TENM2: variants seen among roughly 807,000 people sequenced by gnomAD.
TENM2 encodes teneurin-2.
TENM2 carries 52 observed loss-of-function variants against 245.2 expected under a neutral mutation model. The observed-to-expected ratio is 0.21, with a 90% CI of 0.17 to 0.27. TENM2 has a LOEUF of 0.27. TENM2 is among the 10% of genes least tolerant of loss of function. The pLI is 1.00. For missense variants in TENM2, 3,046 were observed against 3,666.8 expected (o/e 0.83, Z 4.37); for synonymous variants, 1,363 against 1,438.9 (o/e 0.95, Z 1.19).
chr5:167,806,084 AC>A (rs1766142471), intron 2 of TENM2, among the ~76,000 whole-genome samples: 1 of 152,174 alleles, frequency 6.6e-6, no homozygotes, highest in African/African-American at 2.4e-5. Context: ...TAGGTAAGCC[AC>A]CGGATGCCAC....
chr5:168,260,337 G>C (rs755678473), exon 28 of TENM2: 1 of 1,613,938 alleles, frequency 6.2e-7, no homozygotes, highest in Non-Finnish European at 8.5e-7. Context: ...ATCATTCCTG[G>C]CTTCCCGAGA....
chr5:167,850,799 C>G (rs1016311620), intron 2 of TENM2, among the ~76,000 whole-genome samples: 1 of 152,152 alleles, frequency 6.6e-6, no homozygotes, highest in African/African-American at 2.4e-5. Flanking sequence ...AACCAGTATC[C>G]AAGGGCTGGC....
At chr5:168,069,884 T>G (rs949732400) in intron 7 of TENM2, among the ~76,000 whole-genome samples, 6 of 152,056 alleles carry the variant, frequency 3.9e-5, no homozygotes, top group African/African-American at 1.4e-4. Flanking sequence ...AAAGCCTTGG[T>G]AAATATGGAT....
intron 2 of TENM2, among the ~76,000 whole-genome samples, chr5:167,376,766 A>G (rs1197987622): frequency 1.3e-5 from 2 of 152,156 alleles, no homozygotes; most frequent in Admixed American, 1.3e-4. Context: ...GGCACATTTG[A>G]CACTCTGAGG....
the TENM2 span, among the ~76,000 whole-genome samples, chr5:167,109,985 G>A: frequency 5.9e-5 from 9 of 152,100 alleles, no homozygotes; most frequent in Non-Finnish European, 1.0e-4. Flanking sequence ...TTTTCAGAGT[G>A]GCTTAAATAA....
chr5:168,093,324 G>T (rs1793099072), intron 8 of TENM2, among the ~76,000 whole-genome samples: 1 of 152,212 alleles, frequency 6.6e-6, no homozygotes, highest in African/African-American at 2.4e-5. Context: ...CTCTTGTCTG[G>T]ACTGTAGCTC....
At chr5:167,885,874 G>A (rs771332840) in intron 3 of TENM2, among the ~76,000 whole-genome samples, 107 of 152,288 alleles carry the variant, frequency 7.0e-4, no homozygotes, top group Non-Finnish European at 1.3e-3. Context: ...AGTAGAGACT[G>A]TTTTCACCAT....
the TENM2 span, among the ~76,000 whole-genome samples, chr5:167,275,606 T>C: frequency 3.9e-5 from 6 of 152,118 alleles, no homozygotes; most frequent in East Asian, 3.9e-4. Context: ...AAGTACTTCA[T>C]TTTGTTAGTG....
chr5:167,572,340 G>A (rs1774324668), intron 2 of TENM2, among the ~76,000 whole-genome samples: 1 of 152,174 alleles, frequency 6.6e-6, no homozygotes, highest in South Asian at 2.1e-4. Context: ...CTAGGGTCCG[G>A]GGATATGTTG....
At chr5:167,215,568 G>A in the TENM2 span, among the ~76,000 whole-genome samples, 1 of 152,168 alleles carries the variant, frequency 6.6e-6, no homozygotes, top group South Asian at 2.1e-4. Context: ...TGGAGGAAGA[G>A]TTTAGGAAGA....
intron 3 of TENM2, among the ~76,000 whole-genome samples, chr5:167,927,708 G>A (rs1224673986): frequency 6.6e-6 from 1 of 152,136 alleles, no homozygotes; most frequent in Non-Finnish European, 1.5e-5. Context: ...GGCTGCTCTG[G>A]CTTGGACAGA....
intron 5 of TENM2, among the ~76,000 whole-genome samples, chr5:167,997,469 T>C (rs1784139629): frequency 6.6e-6 from 1 of 152,200 alleles, no homozygotes; most frequent in South Asian, 2.1e-4. Context: ...ATATTTCTGC[T>C]TTCCAGTTGT....
At chr5:168,197,162 A>G (rs2152523779) in intron 15 of TENM2, among the ~76,000 whole-genome samples, 1 of 152,340 alleles carries the variant, frequency 6.6e-6, no homozygotes, top group South Asian at 2.1e-4. Context: ...TGCCCGATAA[A>G]TAAGCACATA....
chr5:167,182,588 T>C, the TENM2 span, among the ~76,000 whole-genome samples: 1 of 152,184 alleles, frequency 6.6e-6, no homozygotes, highest in Admixed American at 6.5e-5. Flanking sequence ...TCTACATTCT[T>C]TAAAAAATCC....
At chr5:167,760,961 G>T (rs564672288) in intron 2 of TENM2, among the ~76,000 whole-genome samples, 1 of 152,038 alleles carries the variant, frequency 6.6e-6, no homozygotes, top group East Asian at 1.9e-4. Context: ...TTACTGTTCT[G>T]TTCATGTCCT....
chr5:168,122,477 G>A (rs780103438), intron 10 of TENM2, among the ~76,000 whole-genome samples: 9 of 152,000 alleles, frequency 5.9e-5, no homozygotes, highest in East Asian at 1.9e-4. Context: ...CGCCTGGCCC[G>A]CCCTTTGCCT....
At chr5:167,113,061 T>A in the TENM2 span, among the ~76,000 whole-genome samples, 1 of 152,134 alleles carries the variant, frequency 6.6e-6, no homozygotes, top group African/African-American at 2.4e-5. Flanking sequence ...TTAGATGAGT[T>A]GACAAAAATG....
At chr5:167,423,956 C>G (rs1156235125) in intron 2 of TENM2, among the ~76,000 whole-genome samples, 3 of 152,120 alleles carry the variant, frequency 2.0e-5, no homozygotes, top group Admixed American at 2.0e-4. Context: ...GTCCCAAGTC[C>G]CATGTGCTTT....
At chr5:167,445,371 T>TGAGAGAGTGAGA (rs370726285) in intron 2 of TENM2, among the ~76,000 whole-genome samples, 2 of 81,636 alleles carry the variant, frequency 2.4e-5, no homozygotes, top group East Asian at 5.5e-4. Context: ...AGAGAGAGAG[T>TGAGAGAGTGAGA]GTCAGGTGTT....
Sources: gnomAD v4.1 joint callset for allele counts (sites outside exome capture counted in the v4.1 genomes callset) on GRCh38, gnomAD v4.1.1 for gene constraint, MANE v1.5 for transcripts, NCBI Gene and HGNC (gene_info 2026-07-23, HGNC 2026-07-21) for gene names.